Variants in NPAS3 observed in about 807,000 individuals in gnomAD.
NPAS3 encodes neuronal PAS domain protein 3, also known as neuronal PAS domain-containing protein 3.
Under a neutral mutation model 73.1 loss-of-function variants are expected in NPAS3, and 14 were observed. The ratio of observed to expected loss-of-function variants is 0.19; its 90% CI spans 0.13 to 0.30. The LOEUF is 0.30. Among genes scored for constraint, NPAS3 ranks in the 10% least tolerant of loss-of-function variants. The probability of loss-of-function intolerance (pLI) is 1.00; values close to 1 mark genes in which losing one functional copy is unlikely to be tolerated. For synonymous variants in NPAS3, 620 were observed against 541.5 expected, an observed-to-expected ratio of 1.14 and a Z score of -2.01; for missense variants, 1,096 against 1,250.0, an observed-to-expected ratio of 0.88 and a Z score of 1.86.
At chr14:33,798,186 G>T (rs2063569684) in intron 11 of NPAS3, among the ~76,000 whole-genome samples, 1 of 152,168 alleles carries the variant, frequency 6.6e-6, no homozygotes. Flanking sequence ...CTTTCAGGGT[G>T]CTGGACTGTT....
chr14:33,453,274 T>C (rs1019222883), intron 4 of NPAS3, among the ~76,000 whole-genome samples: 23 of 152,188 alleles, frequency 1.5e-4, no homozygotes, highest in Non-Finnish European at 3.2e-4. Flanking sequence ...TGAGTTTTAA[T>C]GTAAGATTAC....
chr14:32,938,022 T>A (rs1025205158), upstream of NPAS3, among the ~76,000 whole-genome samples: 3 of 151,970 alleles, frequency 2.0e-5, no homozygotes, highest in Non-Finnish European at 4.4e-5. Flanking sequence ...TCCCAGAGGG[T>A]GGCAGTCCGG....
intron 2 of NPAS3, among the ~76,000 whole-genome samples, chr14:33,061,332 A>G (rs1399110513): frequency 1.3e-5 from 2 of 152,186 alleles, no homozygotes; most frequent in Non-Finnish European, 2.9e-5. Context: ...TTGTGTTAGG[A>G]TCAGTAAATA....
At chr14:33,112,799 G>A (rs1441535507) in intron 2 of NPAS3, among the ~76,000 whole-genome samples, 1 of 152,094 alleles carries the variant, frequency 6.6e-6, no homozygotes, top group Admixed American at 6.6e-5. Flanking sequence ...TATGGTTTTA[G>A]GGCTAACATG....
chr14:33,730,699 A>AG (rs2061377502), intron 6 of NPAS3, among the ~76,000 whole-genome samples: 1 of 152,090 alleles, frequency 6.6e-6, no homozygotes, highest in African/African-American at 2.4e-5. Flanking sequence ...TGCAAGGAAA[A>AG]AACCAACTTG....
intron 4 of NPAS3, among the ~76,000 whole-genome samples, chr14:33,388,355 C>T (rs2046858036): frequency 6.6e-6 from 1 of 152,036 alleles, no homozygotes; most frequent in South Asian, 2.1e-4. Context: ...GCATGATGGG[C>T]AGGAGGTGAG....
At chr14:33,322,074 C>T (rs1029597360) in intron 3 of NPAS3, among the ~76,000 whole-genome samples, 14 of 152,148 alleles carry the variant, frequency 9.2e-5, no homozygotes, top group Non-Finnish European at 1.5e-5. Flanking sequence ...TATAAGCCCT[C>T]TGAGCACAAG....
chr14:33,187,281 T>C (rs988817739), intron 2 of NPAS3, among the ~76,000 whole-genome samples: 2 of 152,206 alleles, frequency 1.3e-5, no homozygotes, highest in African/African-American at 4.8e-5. Context: ...ATTGGCTTAG[T>C]TCTCATCTTT....
chr14:33,105,193 G>A (rs945913451), intron 2 of NPAS3, among the ~76,000 whole-genome samples: 1 of 152,130 alleles, frequency 6.6e-6, no homozygotes, highest in African/African-American at 2.4e-5. Context: ...ATTCAAATTT[G>A]TAGTTATTTA....
At chr14:33,734,443 T>C (rs1048690633) in intron 6 of NPAS3, among the ~76,000 whole-genome samples, 1 of 152,184 alleles carries the variant, frequency 6.6e-6, no homozygotes, top group Non-Finnish European at 1.5e-5. Context: ...AACATTCTAC[T>C]TAGTCTAAAA....
At chr14:33,393,968 T>C (rs993595629) in intron 4 of NPAS3, among the ~76,000 whole-genome samples, 2 of 152,174 alleles carry the variant, frequency 1.3e-5, no homozygotes, top group African/African-American at 4.8e-5. Flanking sequence ...AATCTACCAA[T>C]TCATTAGCAG....
chr14:33,477,728 T>C (rs2139674550), intron 4 of NPAS3, among the ~76,000 whole-genome samples: 1 of 152,304 alleles, frequency 6.6e-6, no homozygotes. Flanking sequence ...CAAGCCTCAG[T>C]AGTTTTACCA....
At chr14:33,155,300 T>C (rs755520916) in intron 2 of NPAS3, among the ~76,000 whole-genome samples, 31 of 152,244 alleles carry the variant, frequency 2.0e-4, no homozygotes, top group Non-Finnish European at 8.8e-5. Flanking sequence ...ATGTATTCCA[T>C]TTGTCAACTT....
chr14:33,790,314 A>G (rs903133165), intron 9 of NPAS3, among the ~76,000 whole-genome samples: 1 of 152,210 alleles, frequency 6.6e-6, no homozygotes, highest in Non-Finnish European at 1.5e-5. Flanking sequence ...CTCCTTTCTC[A>G]CTGCTTAAAC....
intron 4 of NPAS3, among the ~76,000 whole-genome samples, chr14:33,374,890 A>G (rs1315722384): frequency 1.3e-5 from 2 of 152,168 alleles, no homozygotes; most frequent in African/African-American, 4.8e-5. Context: ...CTGCCTAGCC[A>G]AGTCAACATG....
At chr14:33,324,973 G>T (rs186759027) in intron 3 of NPAS3, among the ~76,000 whole-genome samples, 2 of 152,046 alleles carry the variant, frequency 1.3e-5, no homozygotes, top group African/African-American at 4.8e-5. Flanking sequence ...GGGTTGTGCC[G>T]TGTTAGTTAT....
chr14:33,251,067 T>G (rs2048565578), intron 3 of NPAS3, among the ~76,000 whole-genome samples: 1 of 152,122 alleles, frequency 6.6e-6, no homozygotes, highest in East Asian at 1.9e-4. Flanking sequence ...CTAGAAAGCA[T>G]TTTTTGGAGG....
At chr14:33,286,565 A>C (rs558503463) in intron 3 of NPAS3, among the ~76,000 whole-genome samples, 9 of 152,150 alleles carry the variant, frequency 5.9e-5, no homozygotes, top group Non-Finnish European at 8.8e-5. Context: ...TTGTGGGGTT[A>C]CCGAATATCG....
chr14:33,609,451 C>G (rs2057682873), intron 5 of NPAS3, among the ~76,000 whole-genome samples: 1 of 152,090 alleles, frequency 6.6e-6, no homozygotes, highest in Non-Finnish European at 1.5e-5. Flanking sequence ...GGGTTATTCC[C>G]TTTTTCCTTT....
Sources: allele counts gnomAD v4.1 joint callset (sites outside exome capture counted in the v4.1 genomes callset), GRCh38; gene constraint gnomAD v4.1.1; transcripts MANE v1.5; gene names NCBI Gene and HGNC (gene_info 2026-07-23, HGNC 2026-07-21).